The following RNF19A variants were observed in gnomAD, a reference collection of about 807,000 sequenced individuals.
RNF19A encodes the protein ring finger protein 19A, RBR E3 ubiquitin protein ligase.
In RNF19A, 32 loss-of-function variants were observed where a neutral mutation model predicts 75.7. That is an observed-to-expected ratio of 0.42 (90% CI 0.32 to 0.57). RNF19A has a LOEUF of 0.57. Among genes scored for constraint, RNF19A ranks in the 20% least tolerant of loss-of-function variants. The probability of loss-of-function intolerance (pLI) is 0.10; values close to 1 mark genes in which losing one functional copy is unlikely to be tolerated. For missense variants in RNF19A, 782 were observed against 1,036.3 expected (o/e 0.75, Z 3.37); for synonymous variants, 335 against 345.2 (o/e 0.97, Z 0.33).
At chr8:100,313,244 G>A, upstream of RNF19A, 3 of 792,716 alleles carry the variant, frequency 3.8e-6, no homozygotes, top group Non-Finnish European at 4.6e-6. Flanking sequence ...TTACATTGGG[G>A]GATGAGGAAT....
chr8:100,324,151 T>G lies in RNF19A; in HGVS notation c.-242-10779A>C, dbSNP rs1463311017. Among the ~76,000 whole-genome samples, 1 of 152,248 alleles carries G rather than the reference T, an allele frequency of 6.6e-6. No individual in the cohort carries two copies. The highest frequency in any genetic ancestry group is 1.5e-5 in the Non-Finnish European group (1 of 68,046). On this transcript the variant is annotated intron_variant, in intron 1 of 3. Coordinates refer to the RNF19A transcript ENST00000519527. This position sits in a 1 kb window ranked among gnomAD's most constrained non-coding sequence, Gnocchi z 4.2. ...GAAGCTGCTACTATAATTTATTTTT[T>G]ACAGCGGAGGAAGCCCAATCTAGAT... is the stretch of plus-strand genomic sequence containing the variant.
intron 3 of RNF19A, among the ~76,000 whole-genome samples, chr8:100,270,690 G>A (rs1023819225): frequency 2.6e-5 from 4 of 152,092 alleles, no homozygotes; most frequent in African/African-American, 4.8e-5. Flanking sequence ...GGCTATGAAC[G>A]TTATAAACCA....
At chr8:100,292,266 C>T (rs373303122) in intron 1 of RNF19A, among the ~76,000 whole-genome samples, 1 of 152,112 alleles carries the variant, frequency 6.6e-6, no homozygotes, top group African/African-American at 2.4e-5. Context: ...TGGGAATCCA[C>T]GAGGAACATT....
intron 1 of RNF19A, among the ~76,000 whole-genome samples, chr8:100,291,728 C>T (rs1192171478): frequency 6.6e-6 from 1 of 152,182 alleles, no homozygotes; most frequent in Admixed American, 6.5e-5. Context: ...TTCTGTTATT[C>T]AGCTAAAATT....
intron 1 of RNF19A, among the ~76,000 whole-genome samples, chr8:100,316,042 T>TC (rs1283884523): frequency 2.0e-5 from 3 of 152,154 alleles, no homozygotes; most frequent in East Asian, 3.9e-4. Flanking sequence ...AGGTGGCGCA[T>TC]CTGGAGTTTG....
chr8:100,276,279 A>C (rs1260893229), intron 2 of RNF19A, among the ~76,000 whole-genome samples: 1 of 152,220 alleles, frequency 6.6e-6, no homozygotes, highest in Non-Finnish European at 1.5e-5. Flanking sequence ...TGATGCAAGT[A>C]ACACCTTAGG....
chr8:100,281,195 A>T (rs1244574310), intron 2 of RNF19A, among the ~76,000 whole-genome samples: 2 of 152,178 alleles, frequency 1.3e-5, no homozygotes, highest in African/African-American at 4.8e-5. Flanking sequence ...GGACAGCAAG[A>T]AAGTGGGGAA....
At chr8:100,276,973 GACAA>G (rs952219386) in intron 2 of RNF19A, among the ~76,000 whole-genome samples, 17 of 152,054 alleles carry the variant, frequency 1.1e-4, no homozygotes, top group African/African-American at 3.9e-4. Context: ...GCACCACCGA[GACAA>G]ACAGTGAGAA....
At chr8:100,263,477 G>A (rs1421368218) in intron 7 of RNF19A, among the ~76,000 whole-genome samples, 2 of 152,010 alleles carry the variant, frequency 1.3e-5, no homozygotes, top group Non-Finnish European at 2.9e-5. Flanking sequence ...GAAAATAAGA[G>A]GTAAGAAAGT....
intron 1 of RNF19A, chr8:100,303,512 C>T (rs1000925183): frequency 2.6e-5 from 4 of 152,088 alleles, no homozygotes; most frequent in Non-Finnish European, 4.4e-5. Context: ...ATGAACATAT[C>T]TTTTGTGGGG....
At chr8:100,289,116 G>A (rs531115045) in intron 1 of RNF19A, among the ~76,000 whole-genome samples, 6 of 151,128 alleles carry the variant, frequency 4.0e-5, no homozygotes, top group Non-Finnish European at 8.8e-5. Flanking sequence ...TCTGACAAAG[G>A]TGATGTTGCT....
chr8:100,304,339 C>T (rs1485273273), intron 1 of RNF19A, among the ~76,000 whole-genome samples: 1 of 152,176 alleles, frequency 6.6e-6, no homozygotes, highest in African/African-American at 2.4e-5. Context: ...CCAGAAGTCA[C>T]AACTGCCTAC....
rs771401953 is a variant in RNF19A at position 100,264,672 on chromosome 8, T to G, written c.1305A>C (p.Val435=). 6.3e-7 allele frequency: 1 copy of G among 1,597,518 alleles called. No homozygotes were observed. The highest frequency in any genetic ancestry group is 8.6e-7 in the Non-Finnish European group (1 of 1,166,682). ...TAGTACTTTTCAGCATTTTCTTACC[T>G]ACAGTCACTGCAGCTACTACTGGAG... ...IVSPVVAAVT[V]GIGVPIMLAY... is the part of the protein sequence containing the mutation. The change falls in exon 6 of 10, where the codon GTA becomes GTC. Residue 435 remains valine (V), a splice_region_variant and synonymous_variant. Coordinates refer to ENST00000341084, the MANE Select transcript of RNF19A (RefSeq NM_183419.4). The surrounding 1 kb of genome is among the most constrained non-coding windows in gnomAD (Gnocchi z 4.7).
Position 100,332,287 on chromosome 8 carries a change from A to G in RNF19A, c.-243+3821T>C, listed in dbSNP as rs914818585. On this transcript the variant is annotated intron_variant, in intron 1 of 3. Coordinates refer to the RNF19A transcript ENST00000519527. This position sits in a 1 kb window ranked among gnomAD's most constrained non-coding sequence, Gnocchi z 4.8. ...TGGGAAGTGATTGGGTCATGGTGGTAATTTCCCCCATGTTGTTCTCATGAT... is the reference window on the plus strand; with the variant it reads ...TGGGAAGTGATTGGGTCATGGTGGTGATTTCCCCCATGTTGTTCTCATGAT... Among the ~76,000 whole-genome samples the G allele has an allele frequency of 2.0e-5, 3 of 152,132 alleles. No individual in the cohort carries two copies. The highest frequency in any genetic ancestry group is 1.9e-4 in the East Asian group (1 of 5,182).
chr8:100,283,666 C>T (rs776514191), intron 2 of RNF19A, among the ~76,000 whole-genome samples: 1 of 152,150 alleles, frequency 6.6e-6, no homozygotes, highest in Non-Finnish European at 1.5e-5. Flanking sequence ...GACAGTATTT[C>T]TCAAGGTGTG....
At chr8:100,293,087 T>C (rs1180251780) in intron 1 of RNF19A, among the ~76,000 whole-genome samples, 1 of 152,210 alleles carries the variant, frequency 6.6e-6, no homozygotes, top group Non-Finnish European at 1.5e-5. Flanking sequence ...GAGAAATCAT[T>C]GTTGCCACTG....
intron 1 of RNF19A, among the ~76,000 whole-genome samples, chr8:100,297,885 T>C (rs1302340607): frequency 3.9e-5 from 6 of 152,170 alleles, no homozygotes; most frequent in Non-Finnish European, 5.9e-5. Flanking sequence ...TATATAAATA[T>C]GGGGTAGTGA....
chr8:100,290,202 T>C (rs540319227), intron 1 of RNF19A, among the ~76,000 whole-genome samples: 7 of 152,236 alleles, frequency 4.6e-5, no homozygotes, highest in Non-Finnish European at 7.4e-5. Flanking sequence ...GCAGCCTCCA[T>C]CTTTTGGGTT....
At chr8:100,314,476 T>G (rs1201761448), upstream of RNF19A, among the ~76,000 whole-genome samples, 1 of 152,140 alleles carries the variant, frequency 6.6e-6, no homozygotes, top group Non-Finnish European at 1.5e-5. The surrounding 1 kb of genome is among the most constrained non-coding windows in gnomAD (Gnocchi z 4.1). Context: ...GCTCATGCTC[T>G]TCTCTTAAAC....
Sources: gnomAD v4.1 joint callset for allele counts (sites outside exome capture counted in the v4.1 genomes callset) on GRCh38, gnomAD v4.1.1 for gene constraint, Gnocchi (gnomAD v3.1) non-coding constraint, MANE v1.5 for transcripts, NCBI Gene and HGNC (gene_info 2026-07-23, HGNC 2026-07-21) for gene names.